The following KIAA1549 variants were observed in gnomAD, a reference collection of about 807,000 sequenced individuals.
The protein encoded by KIAA1549 is KIAA1549, also known as UPF0606 protein KIAA1549.
In KIAA1549, 70 loss-of-function variants were observed where a neutral mutation model predicts 156.4. The ratio of observed to expected loss-of-function variants is 0.45; its 90% confidence interval spans 0.37 to 0.55. The LOEUF (loss-of-function observed/expected upper bound fraction) is 0.55, where lower values mean the gene tolerates loss of function less well. Ranked by LOEUF, KIAA1549 falls within the 20% of genes least tolerant of loss-of-function variation. The probability of loss-of-function intolerance (pLI) is 0.00; values close to 1 mark genes in which losing one functional copy is unlikely to be tolerated. For synonymous variants in KIAA1549, 1,103 were observed against 1,066.4 expected (o/e 1.03, Z -0.67); for missense variants, 2,428 against 2,540.9 (o/e 0.96, Z 0.96).
At chr7:138,881,108 T>A (rs1051396311) in intron 11 of KIAA1549, among the ~76,000 whole-genome samples, 2 of 152,166 alleles carry the variant, frequency 1.3e-5, no homozygotes, top group African/African-American at 4.8e-5. Flanking sequence ...AGCTGGTCAA[T>A]CTCTAATCAA....
intron 12 of KIAA1549, among the ~76,000 whole-genome samples, chr7:138,873,144 A>T (rs548271410): frequency 6.6e-6 from 1 of 152,244 alleles, no homozygotes; most frequent in Non-Finnish European, 1.5e-5. Context: ...TTGATGTTTC[A>T]TATAAGGAAA....
intron 1 of KIAA1549, among the ~76,000 whole-genome samples, chr7:138,930,858 T>C (rs1055335709): frequency 6.6e-6 from 1 of 152,256 alleles, no homozygotes; most frequent in African/African-American, 2.4e-5. Context: ...TGGCAATCTA[T>C]TTGTTGCAAG....
chr7:138,933,003 CG>C (rs1812914058), intron 1 of KIAA1549, among the ~76,000 whole-genome samples: 1 of 152,212 alleles, frequency 6.6e-6, no homozygotes, highest in Admixed American at 6.5e-5. Flanking sequence ...AACAGAAAAT[CG>C]GTCGGTACTG....
intron 15 of KIAA1549, among the ~76,000 whole-genome samples, chr7:138,865,382 T>G (rs1810707183): frequency 6.6e-6 from 1 of 150,754 alleles, no homozygotes; most frequent in African/African-American, 2.4e-5. Context: ...GAGGGGAAAG[T>G]GGAAAATTCA....
At chr7:138,943,813 C>T (rs994149304) in intron 1 of KIAA1549, among the ~76,000 whole-genome samples, 2 of 151,798 alleles carry the variant, frequency 1.3e-5, no homozygotes, top group African/African-American at 4.8e-5. Context: ...CGCACCACTG[C>T]ACTCCAGCCT....
Position 138,881,586 on chromosome 7 carries a change from T to C in KIAA1549, c.4033-2A>G, listed in dbSNP as rs1020305774. 1 of 1,610,394 alleles carries C rather than the reference T, an allele frequency of 6.2e-7. No homozygotes were observed. Among genetic ancestry groups the C allele is most frequent in the Admixed American group, 1.7e-5 (1 of 59,566 alleles). On this transcript the variant is annotated splice_acceptor_variant, in intron 10 of 19. Coordinates refer to ENST00000422774, the MANE Select transcript of KIAA1549 (RefSeq NM_001164665.2). LOFTEE classifies it high-confidence loss of function. ...GCCCTTCACACTAGGGATCTGCAGC[T>C]GAAACATACACACACACAAACAAGA...
intron 1 of KIAA1549, among the ~76,000 whole-genome samples, chr7:138,946,838 GACA>G (rs1813352127): frequency 6.6e-6 from 1 of 152,126 alleles, no homozygotes; most frequent in African/African-American, 2.4e-5. Context: ...AAACTATGAT[GACA>G]ACAACAAATG....
chr7:138,855,036 C>T (rs2130354694), intron 16 of KIAA1549, among the ~76,000 whole-genome samples: 1 of 152,172 alleles, frequency 6.6e-6, no homozygotes, highest in South Asian at 2.1e-4. Flanking sequence ...AAGCCCATCC[C>T]CAGAATGCTC....
At position 138,917,255 on chromosome 7, in the gene KIAA1549, T is replaced by C. The variant is rs751606674; in HGVS notation, c.2371A>G (p.Thr791Ala). 3 of 1,613,794 alleles carry C rather than the reference T, an allele frequency of 1.9e-6. No individual in the cohort carries two copies. Among genetic ancestry groups the C allele is most frequent in the African/African-American group, 1.3e-5 (1 of 75,000 alleles). The stretch of plus-strand genomic sequence containing the variant: ...AAAATGGGCGTTGTGTGGACAGTGG[T>C]CAATGGTGATGTTGCTTGAATCCCG... ...TAGIQATSPL[T>A]TVHTTPILTE... The change falls in exon 2 of 20, where the codon ACC becomes GCC. Residue 791 changes from threonine (T) to alanine (A), a missense_variant. Around this residue, in one of 5 missense-constraint regions of KIAA1549, gnomAD observed 762 missense variants for 901.6 expected, o/e 0.85. Coordinates refer to ENST00000422774, the MANE Select transcript of KIAA1549 (RefSeq NM_001164665.2).
In KIAA1549 at chr7:138,908,999, T is replaced by TGA. The variant is rs1175989373; in HGVS notation, c.3266_3267dup (p.Thr1090SerfsTer6). 1 of 1,613,864 alleles carries TGA rather than the reference T, an allele frequency of 6.2e-7. No individual in the cohort carries two copies. The highest frequency in any genetic ancestry group is 8.5e-7 in the Non-Finnish European group (1 of 1,179,878). On this transcript the variant is annotated frameshift_variant, in exon 5 of 20. Transcript: ENST00000422774. LOFTEE classifies it high-confidence loss of function. ...TTCAGTGATATTCTCACCTGCACCG[T>TGA]GAGGTTATACGTTCCCTGGTGGTGT...
chr7:138,877,448 A>C (rs890867532), intron 12 of KIAA1549, among the ~76,000 whole-genome samples: 1 of 152,182 alleles, frequency 6.6e-6, no homozygotes, highest in African/African-American at 2.4e-5. Context: ...GAGCCAAGAT[A>C]GCACCACTGC....
chr7:138,890,453 T>C (rs1811516344), intron 10 of KIAA1549, among the ~76,000 whole-genome samples: 1 of 152,254 alleles, frequency 6.6e-6, no homozygotes, highest in South Asian at 2.1e-4. Flanking sequence ...ACCACCATGC[T>C]GCTTCCATTT....
In KIAA1549 at chr7:138,919,202, A is replaced by C. The variant is rs746067960; in HGVS notation, c.424T>G (p.Tyr142Asp). The change falls in exon 2 of 20, where the codon TAC (tyrosine) becomes GAC (aspartate). Residue 142 changes from tyrosine (Y) to aspartate (D), a missense_variant. Physicochemically the swap from Tyr to Asp is radical, Grantham distance 160. Coordinates refer to ENST00000422774, the MANE Select transcript of KIAA1549 (RefSeq NM_001164665.2). ...ACCTCTTTACTCGTCACTGACACGT[A>C]AGTTGCCACAAAGATGCTGGGATCT... is the stretch of plus-strand genomic sequence containing the variant. ...TADPSIFVAT[Y>D]VSVTSKEVAV... 14 of 1,613,880 alleles carry C rather than the reference A, an allele frequency of 8.7e-6. No homozygotes were observed. Among genetic ancestry groups the C allele is most frequent in the African/African-American group, 1.3e-5 (1 of 74,908 alleles).
At chr7:138,976,859 A>G (rs1269950973) in intron 1 of KIAA1549, among the ~76,000 whole-genome samples, 2 of 152,246 alleles carry the variant, frequency 1.3e-5, no homozygotes, top group African/African-American at 2.4e-5. Context: ...CACTGCCACC[A>G]AAGAGTCTAA....
At chr7:138,955,959 T>C (rs1320203139) in intron 1 of KIAA1549, among the ~76,000 whole-genome samples, 2 of 152,138 alleles carry the variant, frequency 1.3e-5, no homozygotes, top group Non-Finnish European at 2.9e-5. Flanking sequence ...AGTGGTGCGA[T>C]CTTGGCTCAC....
intron 1 of KIAA1549, among the ~76,000 whole-genome samples, chr7:138,955,926 T>C (rs1813650346): frequency 6.6e-6 from 1 of 152,096 alleles, no homozygotes; most frequent in South Asian, 2.1e-4. Context: ...GGAGTCTTGC[T>C]TCTGTCACCC....
chr7:138,965,250 G>C (rs1813985094), intron 1 of KIAA1549, among the ~76,000 whole-genome samples: 1 of 152,178 alleles, frequency 6.6e-6, no homozygotes, highest in Non-Finnish European at 1.5e-5. Flanking sequence ...AGAGGGAACA[G>C]CAAGTACAAA....
chr7:138,903,701 C>G lies in KIAA1549; in HGVS notation c.3556G>C (p.Glu1186Gln). Reference sequence around the variant, plus strand: ...CGTTCCATCTCGGCTTGAAACACTTCATTCTGGAGTTGCTTCTCCATGACG... The same window carrying G: ...CGTTCCATCTCGGCTTGAAACACTTGATTCTGGAGTTGCTTCTCCATGACG... ...LGVMEKQLQNEVFQAEMERKL... is the reference protein window; with the variant it reads ...LGVMEKQLQNQVFQAEMERKL... The change falls in exon 8 of 20, where the codon GAA becomes CAA. Residue 1186 changes from glutamate to glutamine, a missense_variant. Coordinates refer to ENST00000422774, the MANE Select transcript of KIAA1549 (RefSeq NM_001164665.2). 6.2e-7 allele frequency: 1 copy of G among 1,605,822 alleles called. No homozygotes were observed. The highest frequency in any genetic ancestry group is 8.5e-7 in the Non-Finnish European group (1 of 1,176,248).
chr7:138,831,940 G>T lies in KIAA1549; in HGVS notation c.*5966C>A, dbSNP rs1028774318. ...AACTGAATGAATGGGTGGAGCCTCA[G>T]TTCCTCTAGTATCTCCCTCTTCTTT... On this transcript the variant is annotated 3_prime_UTR_variant, in exon 20 of 20. Transcript: ENST00000422774. The T allele has an allele frequency of 1.3e-5, 3 of 232,938 alleles. No homozygotes were observed. Among genetic ancestry groups the T allele is most frequent in the Non-Finnish European group, 2.5e-5 (3 of 117,938 alleles). The allele number at this position is 232,938 out of a possible 1,614,324, so 14.4% of individuals were successfully genotyped here.
Sources: allele counts gnomAD v4.1 joint callset (sites outside exome capture counted in the v4.1 genomes callset), GRCh38; gene constraint gnomAD v4.1.1; regional missense constraint gnomAD v4.1.1; transcripts MANE v1.5; gene names NCBI Gene and HGNC (gene_info 2026-07-23, HGNC 2026-07-21).